NRG3: variants seen among roughly 807,000 people sequenced by gnomAD.
NRG3 encodes the protein neuregulin 3.
NRG3 carries 31 observed loss-of-function variants against 66.9 expected under a neutral mutation model. The ratio of observed to expected loss-of-function variants is 0.46; its 90% confidence interval spans 0.35 to 0.63. The LOEUF (loss-of-function observed/expected upper bound fraction) is 0.63, where lower values mean the gene tolerates loss of function less well. Among genes scored for constraint, NRG3 ranks in the 20% least tolerant of loss-of-function variants. The probability of loss-of-function intolerance (pLI) is 0.00; values close to 1 mark genes in which losing one functional copy is unlikely to be tolerated. For missense variants in NRG3, 910 were observed against 878.9 expected (o/e 1.04, Z -0.45); for synonymous variants, 393 against 359.4 (o/e 1.09, Z -1.06).
chr10:82,047,066 G>A (rs2133081273), intron 1 of NRG3, among the ~76,000 whole-genome samples: 1 of 151,660 alleles, frequency 6.6e-6, no homozygotes, highest in South Asian at 2.1e-4. Context: ...TTTGGTATCA[G>A]GATGATGCTG....
rs1010440393 is a variant in NRG3, at chr10:82,874,123, T to G, written c.1054+8686T>G. Among the ~76,000 whole-genome samples, 9 of 152,126 alleles carry G rather than the reference T, an allele frequency of 5.9e-5. No individual in the cohort carries two copies. In the South Asian group the frequency reaches 1.9e-3, roughly 31 times the overall value. ...AATTGATAGAATATTACTTCAAACT[T>G]GATCGTATATTGGGTATTCTTTCAT... On this transcript the variant is annotated intron_variant, in intron 4 of 8. Coordinates refer to ENST00000372141, the MANE Select transcript of NRG3 (RefSeq NM_001010848.4).
At chr10:82,427,368 C>T (rs1403823770) in intron 2 of NRG3, among the ~76,000 whole-genome samples, 2 of 152,036 alleles carry the variant, frequency 1.3e-5, no homozygotes, top group Non-Finnish European at 2.9e-5. Flanking sequence ...TCCTAGTTTT[C>T]TGACAGTCTT....
chr10:82,787,306 G>T (rs1428949886), intron 3 of NRG3, among the ~76,000 whole-genome samples: 2 of 152,114 alleles, frequency 1.3e-5, no homozygotes, highest in Admixed American at 1.3e-4. Flanking sequence ...TACAAGAAAA[G>T]AATTGTGTCT....
chr10:82,414,285 A>G (rs1461953384), intron 2 of NRG3, among the ~76,000 whole-genome samples: 4 of 152,170 alleles, frequency 2.6e-5, no homozygotes, highest in Non-Finnish European at 4.4e-5. Flanking sequence ...TAGACTGAGA[A>G]GAGGGAGAGA....
chr10:82,510,517 T>C (rs1047970002), intron 2 of NRG3, among the ~76,000 whole-genome samples: 18 of 152,308 alleles, frequency 1.2e-4, no homozygotes, highest in African/African-American at 4.3e-4. Context: ...ATGGTACTTT[T>C]GGAGAGACTT....
At chr10:82,860,857 A>AC in intron 3 of NRG3, among the ~76,000 whole-genome samples, 1 of 152,186 alleles carries the variant, frequency 6.6e-6, no homozygotes. Context: ...GAATGAATGA[A>AC]CTATTAATTA....
chr10:82,730,083 T>C (rs1178441911), intron 2 of NRG3, among the ~76,000 whole-genome samples: 2 of 148,706 alleles, frequency 1.3e-5, no homozygotes, highest in African/African-American at 5.1e-5. Context: ...TTCTTTTTTT[T>C]TTTCCTTTTT....
intron 7 of NRG3, 75 bp downstream of exon 7, chr10:82,973,990 G>T: frequency 6.4e-7 from 1 of 1,550,870 alleles, no homozygotes; most frequent in South Asian, 1.1e-5. Context: ...GCCAAGGACT[G>T]GCAGCATGAC....
chr10:82,846,888 C>A (rs889618321), intron 3 of NRG3, among the ~76,000 whole-genome samples: 2 of 152,120 alleles, frequency 1.3e-5, no homozygotes, highest in Admixed American at 6.6e-5. Flanking sequence ...TGTGCTTGTG[C>A]TTTTATCAAT....
chr10:82,032,113 CTTT>C (rs775828429), intron 1 of NRG3, among the ~76,000 whole-genome samples: 4 of 144,804 alleles, frequency 2.8e-5, no homozygotes, highest in Non-Finnish European at 4.5e-5. Flanking sequence ...TTGTTTGATT[CTTT>C]TTTTTTTTTT....
At chr10:82,838,227 T>C (rs900350945) in intron 3 of NRG3, among the ~76,000 whole-genome samples, 4 of 152,114 alleles carry the variant, frequency 2.6e-5, no homozygotes, top group African/African-American at 7.2e-5. Context: ...GAGAGAAGGA[T>C]GAACAGATTA....
At chr10:82,133,835 G>A (rs527677712) in intron 1 of NRG3, among the ~76,000 whole-genome samples, 1 of 152,076 alleles carries the variant, frequency 6.6e-6, no homozygotes. Context: ...TTGAGGAATC[G>A]CCATACTGCC....
intron 4 of NRG3, among the ~76,000 whole-genome samples, chr10:82,907,459 AT>A (rs1564620936): frequency 6.6e-6 from 1 of 152,098 alleles, no homozygotes; most frequent in Non-Finnish European, 1.5e-5. Flanking sequence ...ATCTTGACAA[AT>A]TTTTTATTAA....
chr10:82,897,621 T>G (rs1346440426), intron 4 of NRG3, among the ~76,000 whole-genome samples: 1 of 152,072 alleles, frequency 6.6e-6, no homozygotes, highest in African/African-American at 2.4e-5. Context: ...CGGGTTCAAG[T>G]GATTCTCCTG....
At chr10:81,940,458 G>C (rs2133088678) in intron 1 of NRG3, among the ~76,000 whole-genome samples, 1 of 152,104 alleles carries the variant, frequency 6.6e-6, no homozygotes, top group East Asian at 1.9e-4. Context: ...CTATCCTCCT[G>C]CCTTAGCCTC....
chr10:82,054,595 A>G (rs1372811044), intron 1 of NRG3, among the ~76,000 whole-genome samples: 2 of 152,132 alleles, frequency 1.3e-5, no homozygotes, highest in African/African-American at 4.8e-5. Context: ...GGCATGGGGA[A>G]TGGAGGAATA....
At chr10:82,245,585 C>A (rs1216912550) in intron 1 of NRG3, among the ~76,000 whole-genome samples, 1 of 152,184 alleles carries the variant, frequency 6.6e-6, no homozygotes, top group Non-Finnish European at 1.5e-5. Flanking sequence ...TATTCTGCCT[C>A]TCTGAGATTC....
At chr10:82,551,470 C>T (rs1003583845) in intron 2 of NRG3, among the ~76,000 whole-genome samples, 1 of 151,878 alleles carries the variant, frequency 6.6e-6, no homozygotes, top group Admixed American at 6.6e-5. Flanking sequence ...GATTAAGTTA[C>T]CCTACTAGTA....
At chr10:82,945,971 G>A (rs1357491165) in intron 4 of NRG3, among the ~76,000 whole-genome samples, 1 of 152,026 alleles carries the variant, frequency 6.6e-6, no homozygotes, top group Admixed American at 6.6e-5. Context: ...GAACACTCTG[G>A]GGTGAGAATT....
Sources: allele counts gnomAD v4.1 joint callset (sites outside exome capture counted in the v4.1 genomes callset), GRCh38; gene constraint gnomAD v4.1.1; transcripts MANE v1.5; gene names NCBI Gene and HGNC (gene_info 2026-07-23, HGNC 2026-07-21).